Variants in SLC22A2 observed in about 807,000 individuals in gnomAD.
SLC22A2 encodes the protein organic cation transporter 2.
SLC22A2 carries 46 observed loss-of-function variants against 60.5 expected under a neutral mutation model. The observed-to-expected ratio is 0.76, with a 90% CI of 0.60 to 0.97. SLC22A2 has a LOEUF of 0.97. Among genes scored for constraint, SLC22A2 ranks in the 50% least tolerant of loss-of-function variants. The pLI is 0.00. For missense variants in SLC22A2, 701 were observed against 706.6 expected (o/e 0.99, Z 0.09); for synonymous variants, 303 against 267.0 (o/e 1.13, Z -1.31).
At chr6:160,246,977 G>T (rs1783104828) in intron 5 of SLC22A2, among the ~76,000 whole-genome samples, 1 of 152,190 alleles carries the variant, frequency 6.6e-6, no homozygotes, top group South Asian at 2.1e-4. Context: ...CTTTTAGTTT[G>T]ATGGTTTCCA....
rs762880984 is a variant in SLC22A2 at position 160,249,286 on chromosome 6, C to A, written c.772G>T (p.Ala258Ser). 1 of 1,613,136 alleles carries A rather than the reference C, an allele frequency of 6.2e-7. No individual in the cohort carries two copies. The highest frequency in any genetic ancestry group is 1.7e-5 in the Admixed American group (1 of 59,946). The change falls in exon 4 of 11, where the codon GCA becomes TCA. Residue 258 changes from alanine to serine, a missense_variant. Physicochemically the swap from Ala to Ser is moderately conservative, Grantham distance 99. Transcript: ENST00000366953. ...TGCAACCACCTCCAGTGAGGAAGTG[C>A]GTAAGCCACCCCAGCTAGCACCAGG... ...GLLVLAGVAY[A>S]LPHWRWLQFT...
Position 160,258,527 on chromosome 6 carries a change from G to A in SLC22A2, c.231C>T (p.Gly77=). ...PAEELNYTVP[G]PGPAGEASPR... is the part of the protein sequence containing the mutation. ...GGGAGGCTTCGCCCGCAGGTCCTGG[G>A]CCCGGCACCGTGTAGTTCAGTTCCT... Residue 77 remains glycine (G), a synonymous_variant, in exon 1 of 11, where the codon GGC becomes GGT. Transcript: ENST00000366953. The A allele has an allele frequency of 3.1e-6, 5 of 1,614,118 alleles. No individual in the cohort carries two copies. Among genetic ancestry groups the A allele is most frequent in the Non-Finnish European group, 4.2e-6 (5 of 1,179,998 alleles).
At chr6:160,235,635 A>T (rs2114858746) in intron 9 of SLC22A2, among the ~76,000 whole-genome samples, 1 of 151,100 alleles carries the variant, frequency 6.6e-6, no homozygotes, top group South Asian at 2.1e-4. Flanking sequence ...AAGGGGTATC[A>T]TTCAGTTTTT....
chr6:160,248,322 T>C (rs1210036926), intron 4 of SLC22A2, among the ~76,000 whole-genome samples: 1 of 152,226 alleles, frequency 6.6e-6, no homozygotes, highest in African/African-American at 2.4e-5. Context: ...CAGGAACAAA[T>C]CTGCCAGCAC....
At chr6:160,250,444 T>C (rs779628418) in intron 3 of SLC22A2, 104 bp downstream of exon 3, 3 of 1,028,008 alleles carry the variant, frequency 2.9e-6, no homozygotes, top group Non-Finnish European at 4.6e-6. Context: ...CTCTCAATAT[T>C]GTCTTGAAGC....
At chr6:160,232,846 C>T (rs907904113) in intron 9 of SLC22A2, among the ~76,000 whole-genome samples, 24 of 152,050 alleles carry the variant, frequency 1.6e-4, no homozygotes, top group Non-Finnish European at 2.9e-4. Context: ...CTACTCCCCA[C>T]TGAAACTTCC....
intron 1 of SLC22A2, 85 bp from the exon 2 acceptor site, chr6:160,256,802 G>A: frequency 6.8e-6 from 6 of 877,852 alleles, no homozygotes; most frequent in South Asian, 2.8e-5. Flanking sequence ...ACTCAGCTAG[G>A]GTACTCATTA....
In SLC22A2 at chr6:160,217,120, T is replaced by G. The variant is rs1304570849; in HGVS notation, c.*312A>C. On this transcript the variant is annotated 3_prime_UTR_variant, in exon 11 of 11. Transcript: ENST00000366953. Reference sequence around the variant, plus strand: ...CCCACAGTTCCCCTATGTATTCTGGTTAGATAGCATTGCAAAGAAAAGAAT... The same window carrying G: ...CCCACAGTTCCCCTATGTATTCTGGGTAGATAGCATTGCAAAGAAAAGAAT... The G allele has an allele frequency of 4.4e-6, 1 of 227,366 alleles. No individual in the cohort carries two copies. Among genetic ancestry groups the G allele is most frequent in the Admixed American group, 5.7e-5 (1 of 17,654 alleles). 14.1% of individuals were successfully genotyped at this position (227,366 alleles called of 1,614,324 possible). A position where few individuals can be genotyped will look rare whatever the true frequency, so the allele number is the denominator to read the frequency against.
Position 160,241,578 on chromosome 6 carries a change from C to T in SLC22A2, c.1397G>A (p.Gly466Asp), listed in dbSNP as rs1329264218. ...ELYPTFIRNL[G>D]VHICSSMCDI... ...ACACATTGAGGAACAGATGTGGACG[C>T]CAAGATTCCTAGAATGCAGGAAACT... The change falls in exon 9 of 11, where the codon GGC becomes GAC. Residue 466 changes from glycine (G) to aspartate (D), a missense_variant. By Grantham distance (94) the Gly-to-Asp change is moderately conservative. Transcript: ENST00000366953. 21 of 1,609,410 alleles carry T rather than the reference C, an allele frequency of 1.3e-5. No individual in the cohort carries two copies. Among genetic ancestry groups the T allele is most frequent in the Middle Eastern group, 1.7e-4 (1 of 6,050 alleles).
intron 2 of SLC22A2, among the ~76,000 whole-genome samples, chr6:160,252,887 T>C (rs182923170): frequency 1.3e-5 from 2 of 152,344 alleles, no homozygotes; most frequent in Admixed American, 1.3e-4. Flanking sequence ...GCTCTCGTGA[T>C]CCTAAATGAA....
At position 160,224,784 on chromosome 6, in the gene SLC22A2, C is replaced by T. The variant is rs1181164523; in HGVS notation, c.1522G>A (p.Gly508Arg). ...MVFGVLGLVA[G>R]GLVLLLPETK... ...TCTGGAAGCAACAGCACCAGACCTC[C>T]AGCAACCAAGCCAAGCACGCCTGAA... is the stretch of plus-strand genomic sequence containing the variant. Residue 508 changes from glycine to arginine, a missense_variant, in exon 10 of 11, where the codon GGA becomes AGA. By Grantham distance (125) the Gly-to-Arg change is moderately radical. Transcript: ENST00000366953. The T allele has an allele frequency of 6.3e-7, 1 of 1,598,524 alleles. No individual in the cohort carries two copies. Among genetic ancestry groups the T allele is most frequent in the Non-Finnish European group, 8.5e-7 (1 of 1,171,198 alleles).
At chr6:160,255,220 T>C (rs1234530016) in intron 2 of SLC22A2, among the ~76,000 whole-genome samples, 1 of 152,228 alleles carries the variant, frequency 6.6e-6, no homozygotes, top group African/African-American at 2.4e-5. Flanking sequence ...TCAGGGCAGC[T>C]GAGGAGACAA....
chr6:160,238,087 C>T (rs1052172808), intron 9 of SLC22A2, among the ~76,000 whole-genome samples: 3 of 152,238 alleles, frequency 2.0e-5, no homozygotes, highest in African/African-American at 7.2e-5. Context: ...TATGGAGCAG[C>T]CATTCTTTAT....
intron 9 of SLC22A2, among the ~76,000 whole-genome samples, chr6:160,227,096 T>G (rs370778161): frequency 6.6e-6 from 1 of 152,236 alleles, no homozygotes; most frequent in African/African-American, 2.4e-5. Context: ...CCATCTTTTG[T>G]GGAGAGAATT....
chr6:160,247,194 G>C lies in SLC22A2; in HGVS notation c.947C>G (p.Ala316Gly), dbSNP rs763826410. Residue 316 changes from alanine (A) to glycine (G), a missense_variant, in exon 5 of 11, where the codon GCC (alanine) becomes GGC (glycine). Coordinates refer to ENST00000366953, the MANE Select transcript of SLC22A2 (RefSeq NM_003058.4). ...AAGGCCCTGGCTCACCTGAAGGGAG[G>C]CGGGTAGAGATTTTCCATTTTTCTT... ...IAKKNGKSLP[A>G]SLQRLRLEEE... 6.3e-7 allele frequency: 1 copy of C among 1,594,404 alleles called. No homozygotes were observed. Among genetic ancestry groups the C allele is most frequent in the South Asian group, 1.1e-5 (1 of 90,684 alleles).
At chr6:160,235,143 G>A (rs1213996646) in intron 9 of SLC22A2, among the ~76,000 whole-genome samples, 1 of 152,132 alleles carries the variant, frequency 6.6e-6, no homozygotes, top group African/African-American at 2.4e-5. Flanking sequence ...TAAAGCCCAA[G>A]GAATTAAAGT....
Position 160,249,316 on chromosome 6 carries a change from C to A in SLC22A2, c.742G>T (p.Gly248Trp). The A allele has an allele frequency of 6.2e-7, 1 of 1,613,324 alleles. No individual in the cohort carries two copies. Among genetic ancestry groups the A allele is most frequent in the Non-Finnish European group, 8.5e-7 (1 of 1,179,466 alleles). Residue 248 changes from glycine to tryptophan, a missense_variant, in exon 4 of 11, where the codon GGG (glycine) becomes TGG (tryptophan). Physicochemically the swap from Gly to Trp is radical, Grantham distance 184. Coordinates refer to ENST00000366953, the MANE Select transcript of SLC22A2 (RefSeq NM_003058.4). ...GIFYQVAYTV[G>W]LLVLAGVAYA... ...GCCACCCCAGCTAGCACCAGGAGCC[C>A]AACTGTATAGGCAACTTGGTAAAAA...
intron 10 of SLC22A2, among the ~76,000 whole-genome samples, chr6:160,222,911 T>C (rs1782666095): frequency 6.6e-6 from 1 of 152,194 alleles, no homozygotes; most frequent in South Asian, 2.1e-4. Flanking sequence ...TTTAAAAAAA[T>C]ACTTTGTAGG....
chr6:160,246,114 C>T (rs1783091008), intron 5 of SLC22A2, among the ~76,000 whole-genome samples: 1 of 151,858 alleles, frequency 6.6e-6, no homozygotes, highest in South Asian at 2.1e-4. Context: ...GATCTGCCCG[C>T]CTCGGCTTCC....
Sources: allele counts gnomAD v4.1 joint callset (sites outside exome capture counted in the v4.1 genomes callset), GRCh38; gene constraint gnomAD v4.1.1; transcripts MANE v1.5; gene names NCBI Gene and HGNC (gene_info 2026-07-23, HGNC 2026-07-21).